The following CDKL5 variants were observed in gnomAD, a reference collection of about 807,000 sequenced individuals.
The protein encoded by CDKL5 is cyclin-dependent kinase-like 5.
A neutral mutation model predicts 61.7 loss-of-function variants in CDKL5; 8 were observed. That is an observed-to-expected ratio of 0.13 (90% CI 0.08 to 0.23). The LOEUF (loss-of-function observed/expected upper bound fraction) is 0.23. CDKL5 is among the 10% of genes least tolerant of loss of function. The pLI is 1.00. For synonymous variants in CDKL5, 275 were observed against 272.3 expected, an observed-to-expected ratio of 1.01 and a Z score of -0.10; for missense variants, 440 against 734.5, an observed-to-expected ratio of 0.60 and a Z score of 4.63.
intron 3 of CDKL5, among the ~76,000 whole-genome samples, chrX:18,547,607 C>T (rs751732309): frequency 8.9e-6 from 1 of 111,756 alleles, no homozygotes; most frequent in Admixed American, 9.5e-5. Flanking sequence ...ACTCTTGTTT[C>T]AAGACAACAG....
chrX:18,450,159 A>G (rs373089992), intron 1 of CDKL5, among the ~76,000 whole-genome samples: 1 of 111,785 alleles, frequency 8.9e-6, no homozygotes, highest in East Asian at 2.8e-4. Context: ...GGTCCCCTTA[A>G]TTCTTTTGAA....
chrX:18,438,211 A>G (rs1931652784), intron 1 of CDKL5, among the ~76,000 whole-genome samples: 2 of 110,318 alleles, frequency 1.8e-5, no homozygotes, highest in African/African-American at 6.6e-5. Flanking sequence ...GATTACAGGC[A>G]TGTGCCCCCA....
At chrX:18,571,791 GA>G (rs926291022) in intron 4 of CDKL5, among the ~76,000 whole-genome samples, 1 of 111,200 alleles carries the variant, frequency 9.0e-6, no homozygotes, top group African/African-American at 3.3e-5. Context: ...TGAATTTAGG[GA>G]ATTAACTCCA....
At chrX:18,590,475 A>G (rs1288653725) in intron 9 of CDKL5, among the ~76,000 whole-genome samples, 4 of 111,754 alleles carry the variant, frequency 3.6e-5, no homozygotes, top group Non-Finnish European at 5.6e-5. Context: ...ATTTCCCTTT[A>G]GAGACCACCA....
intron 3 of CDKL5, among the ~76,000 whole-genome samples, chrX:18,526,558 A>C (rs1439688087): frequency 9.0e-6 from 1 of 111,557 alleles, no homozygotes; most frequent in African/African-American, 3.3e-5. Flanking sequence ...TCTTACTGTT[A>C]AGTACCAATA....
intron 16 of CDKL5, chrX:18,623,984 G>A: frequency 2.7e-6 from 2 of 752,064 alleles, no homozygotes; most frequent in Non-Finnish European, 3.1e-6. Flanking sequence ...AAAGCTTCCT[G>A]TAGTCACTCC....
intron 9 of CDKL5, among the ~76,000 whole-genome samples, chrX:18,592,371 A>ATTC: frequency 8.9e-6 from 1 of 112,469 alleles, no homozygotes; most frequent in African/African-American, 3.2e-5. Context: ...ATCATTGGGG[A>ATTC]TTCATTAGAG....
chrX:18,642,198 G>T (rs1927610719), downstream of CDKL5: 2 of 1,177,088 alleles, frequency 1.7e-6, no homozygotes, highest in Middle Eastern at 2.4e-4. Flanking sequence ...ACATCGGGGA[G>T]GGAAAAGGAA....
Position 18,632,066 on chromosome X carries a change from G to A in CDKL5, c.*3309G>A. 1.6e-5 allele frequency: 11 copies of A among 701,011 alleles called. No individual in the cohort carries two copies. The highest frequency in any genetic ancestry group is 1.9e-5 in the Non-Finnish European group (11 of 590,771). The allele number at this position is 701,011 out of a possible 1,213,427, so 57.8% of individuals were successfully genotyped here. A position where few individuals can be genotyped will look rare whatever the true frequency, so the allele number is the denominator to read the frequency against. ...AGCCCCCCAAACAAACAGTGGTCCAGCCCCAAGCACTACTAGTGCTGAGGT... is the reference window on the plus strand; with the variant it reads ...AGCCCCCCAAACAAACAGTGGTCCAACCCCAAGCACTACTAGTGCTGAGGT... On this transcript the variant is annotated 3_prime_UTR_variant, in exon 18 of 18. Transcript: ENST00000623535.
chrX:18,648,270 G>C (rs1927874474), intron 20 of CDKL5, among the ~76,000 whole-genome samples: 1 of 109,764 alleles, frequency 9.1e-6, no homozygotes, highest in Non-Finnish European at 1.9e-5. Flanking sequence ...TTGAGACAGG[G>C]TCTCGCCCTG....
At position 18,646,102 on chromosome X, in the gene CDKL5, G is replaced by T. The variant is rs886042724; in HGVS notation, c.2797+12G>T. On this transcript the variant is annotated intron_variant, in intron 20 of 21. Transcript: ENST00000379989. ...GACAGAACAACAAGGTAGAGTCTGG[G>T]CCCCGCATGCCATCAAGCTGCCATA... 9 of 1,211,378 alleles carry T rather than the reference G, an allele frequency of 7.4e-6. No homozygotes were observed. Among genetic ancestry groups the T allele is most frequent in the Non-Finnish European group, 1.0e-5 (9 of 895,405 alleles).
intron 5 of CDKL5, among the ~76,000 whole-genome samples, chrX:18,577,533 C>G (rs1179972608): frequency 8.9e-6 from 1 of 112,266 alleles, no homozygotes; most frequent in Non-Finnish European, 1.9e-5. Flanking sequence ...CATATAAATA[C>G]AAAGGTAGGG....
At chrX:18,509,197 G>GCACACGCGCGCACACA (rs1555940192) in intron 2 of CDKL5, among the ~76,000 whole-genome samples, 1 of 64,314 alleles carries the variant, frequency 1.6e-5, no homozygotes, top group African/African-American at 5.9e-5. Flanking sequence ...CTCAAAACAC[G>GCACACGCGCGCACACA]CACACACACA....
At chrX:18,474,604 T>A (rs1378095513) in intron 1 of CDKL5, among the ~76,000 whole-genome samples, 1 of 112,306 alleles carries the variant, frequency 8.9e-6, no homozygotes, top group Non-Finnish European at 1.9e-5. Flanking sequence ...AGTATAACAA[T>A]GCCCTTTTAC....
rs750138902 is a variant in CDKL5 at position 18,633,848 on chromosome X, C to G, written c.*5091C>G. On this transcript the variant is annotated 3_prime_UTR_variant, in exon 18 of 18. Transcript: ENST00000623535. ...GCTCCACCTTTCTCCTCTCCGGGCA[C>G]TGACCCCACCTTTCCGTGTATTTAC... The G allele has an allele frequency of 3.1e-5, 23 of 752,265 alleles. No homozygotes were observed. The highest frequency in any genetic ancestry group is 2.8e-5 in the Non-Finnish European group (18 of 639,025). The allele number at this position is 752,265 out of a possible 1,213,427, so 62.0% of individuals were successfully genotyped here.
chrX:18,647,390 G>C lies in CDKL5; in HGVS notation c.2797+1300G>C, dbSNP rs1927829520. 10 of 1,162,478 alleles carry C rather than the reference G, an allele frequency of 8.6e-6. No individual in the cohort carries two copies. In the East Asian group the frequency reaches 8.9e-5, roughly 10 times the overall value. On this transcript the variant is annotated intron_variant, in intron 20 of 21. Coordinates refer to the CDKL5 transcript ENST00000379989. ...TATCTCAATACTCAACAAGCACCAG[G>C]TGACTGAAATAACAAAACAAACCCA...
At chrX:18,480,476 C>T (rs1602216184) in intron 1 of CDKL5, among the ~76,000 whole-genome samples, 1 of 112,081 alleles carries the variant, frequency 8.9e-6, no homozygotes, top group East Asian at 2.8e-4. Context: ...CATTGTAAAA[C>T]TACTCTTTTT....
intron 3 of CDKL5, among the ~76,000 whole-genome samples, chrX:18,525,962 G>C (rs1923424793): frequency 9.0e-6 from 1 of 110,591 alleles, no homozygotes; most frequent in South Asian, 3.8e-4. Flanking sequence ...GGTCAGGCTG[G>C]TCTCAAACTC....
intron 3 of CDKL5, among the ~76,000 whole-genome samples, chrX:18,513,440 C>G (rs892367526): frequency 9.1e-6 from 1 of 109,902 alleles, no homozygotes; most frequent in South Asian, 3.9e-4. Flanking sequence ...ACTTTTCTTG[C>G]CTTTATATGG....
Sources: gnomAD v4.1 joint callset for allele counts (sites outside exome capture counted in the v4.1 genomes callset) on GRCh38, gnomAD v4.1.1 for gene constraint, MANE v1.5 for transcripts, NCBI Gene and HGNC (gene_info 2026-07-23, HGNC 2026-07-21) for gene names.